HAUS5: variants seen among roughly 807,000 people sequenced by gnomAD.
The protein encoded by HAUS5 is HAUS augmin like complex subunit 5, also known as HAUS augmin-like complex subunit 5.
A neutral mutation model predicts 94.1 loss-of-function variants in HAUS5; 67 were observed. The ratio of observed to expected loss-of-function variants is 0.71; its 90% CI spans 0.58 to 0.87. The LOEUF (loss-of-function observed/expected upper bound fraction) is 0.87, where lower values mean the gene tolerates loss of function less well. HAUS5 is among the 40% of genes least tolerant of loss of function. The pLI, the probability that HAUS5 is intolerant of heterozygous loss-of-function variation, is 0.00. For missense variants in HAUS5, 739 were observed against 825.6 expected (o/e 0.90, Z 1.29); for synonymous variants, 339 against 355.4 (o/e 0.95, Z 0.52).
rs867479393 is a variant in HAUS5, at chr19:35,612,790, C to G, written c.-5C>G. ...GGGAGGCGGTGTCGCCGCCGCGGCG[C>G]TGTCATGGAGCTAGCGCAGGAAGCG... On this transcript the variant is annotated 5_prime_UTR_variant, in exon 1 of 19. Transcript: ENST00000203166. The G allele has an allele frequency of 6.9e-5, 107 of 1,543,128 alleles. No individual in the cohort carries two copies. In the Middle Eastern group the frequency reaches 2.3e-3, roughly 34 times the overall value.
rs756507585 is a variant in HAUS5 at position 35,618,072 on chromosome 19, C to T, written c.698C>T (p.Thr233Met). Residue 233 changes from threonine (T) to methionine (M), a missense_variant and splice_region_variant, in exon 10 of 19, where the codon ACG (threonine) becomes ATG (methionine). Thr to Met is a moderately conservative substitution (Grantham distance 81). Transcript: ENST00000203166. ...SYQQWLSSVE[T>M]LLTNHPPGHV... ...TGACTTCACCCTCCCTCCCCCTAGA[C>T]GCTGCTGACAAACCACCCCCCAGGC... 28 of 1,591,074 alleles carry T rather than the reference C, an allele frequency of 1.8e-5. No individual in the cohort carries two copies. The highest frequency in any genetic ancestry group is 1.0e-4 in the Admixed American group (6 of 58,024).
In HAUS5 at chr19:35,618,565, G is replaced by C. The variant is rs200990014; in HGVS notation, c.886-4G>C. The C allele has an allele frequency of 2.5e-6, 4 of 1,605,002 alleles. No homozygotes were observed. Among genetic ancestry groups the C allele is most frequent in the Non-Finnish European group, 3.4e-6 (4 of 1,173,438 alleles). ...TGTACCCTGATTCTGTACCCCGCTT[G>C]CAGGAGGGCTGGCGGACTGTGGGTG... On this transcript the variant is annotated splice_polypyrimidine_tract_variant and splice_region_variant and intron_variant, in intron 11 of 18. Coordinates refer to ENST00000203166, the MANE Select transcript of HAUS5 (RefSeq NM_015302.2).
intron 17 of HAUS5, 32 bp from the exon 18 acceptor site, chr19:35,622,569 T>A: frequency 6.2e-7 from 1 of 1,609,392 alleles, no homozygotes; most frequent in Non-Finnish European, 8.5e-7. Flanking sequence ...GCCAGAGGAC[T>A]CAAAGCTGCC....
intron 13 of HAUS5, among the ~76,000 whole-genome samples, 155 bp from the exon 14 acceptor site, chr19:35,619,269 T>TA (rs965671874): frequency 1.1e-4 from 17 of 151,030 alleles, no homozygotes; most frequent in South Asian, 2.1e-4. Context: ...TGCTATCACT[T>TA]AAAAAAAAAG....
intron 11 of HAUS5, 36 bp from the exon 12 acceptor site, chr19:35,618,533 C>A: frequency 1.2e-6 from 2 of 1,612,658 alleles, no homozygotes; most frequent in Non-Finnish European, 1.7e-6. Flanking sequence ...ATGGATCATG[C>A]CCTGGGTGTA....
Position 35,615,925 on chromosome 19 carries a change from T to C in HAUS5, c.485+539T>C, listed in dbSNP as rs541256757. 9.2e-5 allele frequency among the ~76,000 whole-genome samples: 14 copies of C among 152,080 alleles called. No homozygotes were observed. The South Asian group carries it at 1.0e-3, about 11-fold the overall frequency. On this transcript the variant is annotated intron_variant, in intron 6 of 18. Transcript: ENST00000203166. Reference sequence around the variant, plus strand: ...AGTTTCTCAGGCAAGACCGAGAACCTGAGGAGGTGAGGTCGAAGGAGTGGA... The same window carrying C: ...AGTTTCTCAGGCAAGACCGAGAACCCGAGGAGGTGAGGTCGAAGGAGTGGA...
At chr19:35,612,961 C>T (rs2071908570) in intron 1 of HAUS5, 69 bp downstream of exon 1, 4 of 1,099,034 alleles carry the variant, frequency 3.6e-6, no homozygotes, top group Non-Finnish European at 3.8e-6. Flanking sequence ...AGAACTCCAC[C>T]CCTCATTGAG....
In HAUS5 at chr19:35,612,872, C is replaced by G. The variant is rs891413818; in HGVS notation, c.78C>G (p.Ala26=). The change falls in exon 1 of 19, where the codon GCC becomes GCG. Residue 26 remains alanine (A), a synonymous_variant. Coordinates refer to ENST00000203166, the MANE Select transcript of HAUS5 (RefSeq NM_015302.2). ...EEMGVPVAAR[A]PESTLRRLCL... is the part of the protein sequence containing the mutation. ...TGGGGGTGCCCGTGGCGGCCCGGGCCCCGGAATCGACGCTGCGCAGGTGAG... is the reference window on the plus strand; with the variant it reads ...TGGGGGTGCCCGTGGCGGCCCGGGCGCCGGAATCGACGCTGCGCAGGTGAG... 1 of 1,545,376 alleles carries G rather than the reference C, an allele frequency of 6.5e-7. No individual in the cohort carries two copies. The highest frequency in any genetic ancestry group is 8.7e-7 in the Non-Finnish European group (1 of 1,144,926).
Position 35,617,489 on chromosome 19 carries a change from AGGCT to A in HAUS5, c.638+123_638+126del, listed in dbSNP as rs139008634. The A allele has an allele frequency of 7.6e-4, 508 of 667,026 alleles. 4 individuals are homozygous for A. The East Asian group carries it at 0.013, about 17-fold the overall frequency. 41.3% of individuals were successfully genotyped at this position (667,026 alleles called of 1,614,324 possible). Reference sequence around the variant, plus strand: ...CTACGTTCTGTAGAAGGGGACTTCCAGGCTGGGAATAGAAGGAGACAGTCTCTCA... The same window carrying A: ...CTACGTTCTGTAGAAGGGGACTTCCAGGGAATAGAAGGAGACAGTCTCTCA... On this transcript the variant is annotated intron_variant, in intron 8 of 18. Coordinates refer to ENST00000203166, the MANE Select transcript of HAUS5 (RefSeq NM_015302.2).
chr19:35,623,783 GAC>G lies in HAUS5; in HGVS notation c.*794_*795del, dbSNP rs1479618328. The G allele has an allele frequency of 3.3e-5, 5 of 152,352 alleles. No homozygotes were observed. Among genetic ancestry groups the G allele is most frequent in the Non-Finnish European group, 5.9e-5 (4 of 68,052 alleles). The allele number at this position is 152,352 out of a possible 1,614,324, so 9.4% of individuals were successfully genotyped here. A position where few individuals can be genotyped will look rare whatever the true frequency, so the allele number is the denominator to read the frequency against. On this transcript the variant is annotated 3_prime_UTR_variant, in exon 19 of 19. Transcript: ENST00000203166. ...GGTGGCAGGGATCAACTGAGGAGGAGACACAGAAATGTCCTAGCTGATGGGAA... is the reference window on the plus strand; with the variant it reads ...GGTGGCAGGGATCAACTGAGGAGGAGACAGAAATGTCCTAGCTGATGGGAA...
At chr19:35,613,684 A>T (rs538584440) in intron 1 of HAUS5, 46 bp from the exon 2 acceptor site, 4 of 1,564,596 alleles carry the variant, frequency 2.6e-6, no homozygotes, top group Middle Eastern at 1.8e-4. Flanking sequence ...AGGATCCCAC[A>T]CCCTGTGTGC....
chr19:35,617,201 T>A lies in HAUS5; in HGVS notation c.555+8T>A, dbSNP rs2071951388. On this transcript the variant is annotated splice_region_variant and intron_variant, in intron 7 of 18. Coordinates refer to ENST00000203166, the MANE Select transcript of HAUS5 (RefSeq NM_015302.2). ...CTGGAGCCCGTGGTCCTGGTAAGAGTCCTGGTCATGGGAGAAGGGGCAGGG... is the reference window on the plus strand; with the variant it reads ...CTGGAGCCCGTGGTCCTGGTAAGAGACCTGGTCATGGGAGAAGGGGCAGGG... 3.1e-6 allele frequency: 5 copies of A among 1,613,284 alleles called. No homozygotes were observed. The African/African-American group carries it at 6.7e-5, about 22-fold the overall frequency.
At chr19:35,614,631 A>G (rs1487313337) in intron 4 of HAUS5, among the ~76,000 whole-genome samples, 1 of 152,212 alleles carries the variant, frequency 6.6e-6, no homozygotes, top group East Asian at 1.9e-4. Flanking sequence ...GGGCGCAGAG[A>G]GGTGGGACCT....
intron 6 of HAUS5, among the ~76,000 whole-genome samples, chr19:35,616,369 G>A (rs1035975356): frequency 6.6e-6 from 1 of 152,052 alleles, no homozygotes; most frequent in Admixed American, 6.6e-5. Flanking sequence ...TTCTTTCTAT[G>A]TGCCTCAGAT....
chr19:35,618,418 C>A lies in HAUS5; in HGVS notation c.838C>A (p.Gln280Lys), dbSNP rs1328059957. 1 of 1,613,666 alleles carries A rather than the reference C, an allele frequency of 6.2e-7. No individual in the cohort carries two copies. The highest frequency in any genetic ancestry group is 8.5e-7 in the Non-Finnish European group (1 of 1,179,714). ...TEISRPQAPD[Q>K]SDSSQTLPSM... is the part of the protein sequence containing the mutation. ...CCACCCCAGACCCCAGGCCCCGGAC[C>A]AGTCAGACTCCAGCCAGACCCTGCC... The change falls in exon 11 of 19, where the codon CAG (glutamine) becomes AAG (lysine). Residue 280 changes from glutamine to lysine, a missense_variant. Physicochemically the swap from Gln to Lys is moderately conservative, Grantham distance 53. Transcript: ENST00000203166.
intron 15 of HAUS5, 68 bp from the exon 16 acceptor site, chr19:35,619,944 C>T: frequency 6.4e-7 from 1 of 1,561,836 alleles, no homozygotes; most frequent in South Asian, 1.2e-5. Flanking sequence ...TTCCTGGGCC[C>T]CCAGAGCCTC....
chr19:35,622,468 G>A (rs1967224632), intron 17 of HAUS5, 133 bp from the exon 18 acceptor site: 1 of 913,380 alleles, frequency 1.1e-6, no homozygotes, highest in South Asian at 1.6e-5. Flanking sequence ...GGAAGAGAAG[G>A]AGACAGACTC....
At chr19:35,613,361 C>T (rs1390101341) in intron 1 of HAUS5, among the ~76,000 whole-genome samples, 2 of 152,124 alleles carry the variant, frequency 1.3e-5, no homozygotes, top group African/African-American at 4.8e-5. Context: ...CCCCACCACC[C>T]GCCTTCCCAG....
chr19:35,619,149 T>C, intron 13 of HAUS5, 100 bp downstream of exon 13: 1 of 1,260,920 alleles, frequency 7.9e-7, no homozygotes, highest in Non-Finnish European at 1.1e-6. Flanking sequence ...CACATGCCTG[T>C]GGTTCCAGCA....
Sources: allele counts gnomAD v4.1 joint callset (sites outside exome capture counted in the v4.1 genomes callset), GRCh38; gene constraint gnomAD v4.1.1; transcripts MANE v1.5; gene names NCBI Gene and HGNC (gene_info 2026-07-23, HGNC 2026-07-21).